The following CATSPERD variants were observed in gnomAD, a reference collection of about 807,000 sequenced individuals.
CATSPERD encodes catsper channel auxiliary subunit delta.
A neutral mutation model predicts 98.1 loss-of-function variants in CATSPERD; 86 were observed. The ratio of observed to expected loss-of-function variants is 0.88; its 90% CI spans 0.74 to 1.05. CATSPERD has a LOEUF of 1.05. CATSPERD is among the 50% of genes least tolerant of loss of function. The pLI, the probability that CATSPERD is intolerant of heterozygous loss-of-function variation, is 0.00. For missense variants in CATSPERD, 995 were observed against 1,005.7 expected (o/e 0.99, Z 0.14); for synonymous variants, 394 against 390.2 (o/e 1.01, Z -0.12).
chr19:5,741,239 T>C (rs1003516276), intron 7 of CATSPERD, among the ~76,000 whole-genome samples: 4 of 152,088 alleles, frequency 2.6e-5, no homozygotes, highest in Non-Finnish European at 5.9e-5. Context: ...TGAACCAATG[T>C]CCCCCCAAAA....
intron 4 of CATSPERD, 30 bp from the exon 5 acceptor site, chr19:5,733,826 C>G (rs1406733838): frequency 7.2e-7 from 1 of 1,390,840 alleles, no homozygotes; most frequent in Non-Finnish European, 1.0e-6. Flanking sequence ...AAGATGCTCT[C>G]ATTGATATCA....
intron 20 of CATSPERD, chr19:5,775,162 A>G (rs1356079128): frequency 1.1e-5 from 5 of 458,086 alleles, no homozygotes; most frequent in Non-Finnish European, 2.3e-5. Context: ...AACAGTTACT[A>G]CTGCTACTAC....
chr19:5,735,374 G>A (rs2055822689), intron 5 of CATSPERD, among the ~76,000 whole-genome samples: 1 of 151,172 alleles, frequency 6.6e-6, no homozygotes, highest in Admixed American at 6.6e-5. Context: ...GCGATCGCAC[G>A]ATCTCAGCTC....
At chr19:5,750,331 G>T (rs1227861699) in intron 11 of CATSPERD, among the ~76,000 whole-genome samples, 2 of 147,136 alleles carry the variant, frequency 1.4e-5, no homozygotes, top group Admixed American at 1.4e-4. Flanking sequence ...GGCACCTGTA[G>T]TCCCAGCTAC....
At chr19:5,726,853 C>T (rs1214131169) in intron 2 of CATSPERD, among the ~76,000 whole-genome samples, 1 of 152,108 alleles carries the variant, frequency 6.6e-6, no homozygotes, top group Non-Finnish European at 1.5e-5. Flanking sequence ...TACATTCCAC[C>T]TACCTAATTC....
chr19:5,763,193 C>T (rs1260087654), intron 15 of CATSPERD, 22 bp from the exon 16 acceptor site: 1 of 1,605,892 alleles, frequency 6.2e-7, no homozygotes, highest in Non-Finnish European at 8.5e-7. Flanking sequence ...TCTCTAATAA[C>T]ACAGGTTCCG....
intron 7 of CATSPERD, 74 bp from the exon 8 acceptor site, chr19:5,744,353 A>T: frequency 8.1e-7 from 1 of 1,230,902 alleles, no homozygotes; most frequent in Admixed American, 1.9e-5. Flanking sequence ...CTTATTAGAT[A>T]ATCTGAAGTT....
At chr19:5,777,725 A>G (rs2056760551) in intron 21 of CATSPERD, among the ~76,000 whole-genome samples, 1 of 151,800 alleles carries the variant, frequency 6.6e-6, no homozygotes, top group Admixed American at 6.6e-5. Context: ...TCTACTAAAA[A>G]TTAGCCAGGT....
chr19:5,751,931 G>C (rs1169428271), intron 12 of CATSPERD, 108 bp downstream of exon 12: 2 of 1,055,976 alleles, frequency 1.9e-6, no homozygotes, highest in East Asian at 2.8e-5. Context: ...AGGAGGCTGA[G>C]GCTGGAGGGT....
chr19:5,775,599 A>C (rs7250134), intron 20 of CATSPERD, among the ~76,000 whole-genome samples: 27,710 of 147,658 alleles, frequency 0.19, 2,953 homozygotes, highest in East Asian at 0.54. Flanking sequence ...CAGTAAGCCG[A>C]GATCGCGCCA....
chr19:5,754,143 G>C lies in CATSPERD; in HGVS notation c.1176G>C (p.Leu392=). ...GCCTTTTTAACTAGATAGAGTTTCT[G>C]ACAGGAGAATTTATATACAGGATGT... is the stretch of plus-strand genomic sequence containing the variant. The part of the protein sequence containing the change: ...LHVGKCKIEF[L]TGEFIYRMYT... The change falls in exon 13 of 22, where the codon CTG becomes CTC. Residue 392 remains leucine (L), a synonymous_variant. Coordinates refer to ENST00000381624, the MANE Select transcript of CATSPERD (RefSeq NM_152784.4). 1 of 1,609,238 alleles carries C rather than the reference G, an allele frequency of 6.2e-7. No individual in the cohort carries two copies. Among genetic ancestry groups the C allele is most frequent in the Non-Finnish European group, 8.5e-7 (1 of 1,175,702 alleles).
chr19:5,755,387 A>T (rs1200275562), intron 13 of CATSPERD, among the ~76,000 whole-genome samples: 2 of 152,166 alleles, frequency 1.3e-5, no homozygotes, highest in African/African-American at 4.8e-5. Context: ...CAAAATATTG[A>T]GTATACAAAA....
At position 5,733,882 on chromosome 19, in the gene CATSPERD, A is replaced by G. The variant is rs752324008; in HGVS notation, c.303A>G (p.Ala101=). The change falls in exon 5 of 22, where the codon GCA becomes GCG. Residue 101 remains alanine (A), a synonymous_variant. Transcript: ENST00000381624. ...TCGGCGTACCAGAAGTGACATCAGC[A>G]CATTTTGCTGGTTCGTTATTGCTGT... ...MQVGVPEVTS[A]HFAGSLLLLV... 5.6e-6 allele frequency: 9 copies of G among 1,612,652 alleles called. No homozygotes were observed. Among genetic ancestry groups the G allele is most frequent in the East Asian group, 2.2e-5 (1 of 44,892 alleles).
At chr19:5,725,890 A>G (rs572467413) in intron 2 of CATSPERD, among the ~76,000 whole-genome samples, 2 of 152,122 alleles carry the variant, frequency 1.3e-5, no homozygotes, top group East Asian at 3.9e-4. Flanking sequence ...GACAGAGCCA[A>G]AAAAGATGCA....
chr19:5,735,354 A>C (rs1279094092), intron 5 of CATSPERD, among the ~76,000 whole-genome samples: 1 of 152,060 alleles, frequency 6.6e-6, no homozygotes, highest in Non-Finnish European at 1.5e-5. Context: ...GTTGTTGCCC[A>C]GGCTGGAGTG....
At chr19:5,754,277 G>A (rs1327331384) in intron 13 of CATSPERD, 32 bp downstream of exon 13, 5 of 1,517,418 alleles carry the variant, frequency 3.3e-6, no homozygotes, top group Non-Finnish European at 4.6e-6. Context: ...TGCTATCTGG[G>A]ATTCTCAGCC....
chr19:5,763,024 G>A (rs2056472035), intron 15 of CATSPERD, among the ~76,000 whole-genome samples, 191 bp from the exon 16 acceptor site: 1 of 151,402 alleles, frequency 6.6e-6, no homozygotes, highest in Non-Finnish European at 1.5e-5. Context: ...ATGAGTGGAT[G>A]GGTAGAGAGA....
In CATSPERD at chr19:5,720,733, A is replaced by G. The variant is rs1370710372; in HGVS notation, c.-5A>G. On this transcript the variant is annotated 5_prime_UTR_variant, in exon 1 of 22. Coordinates refer to ENST00000381624, the MANE Select transcript of CATSPERD (RefSeq NM_152784.4). ...GGGCAGTGGTGGCGGCGGAAGCCCA[A>G]GTCGATGCTGATGTTGATGCTGGTG... 2.4e-5 allele frequency: 38 copies of G among 1,606,362 alleles called. No individual in the cohort carries two copies. Among genetic ancestry groups the G allele is most frequent in the Non-Finnish European group, 3.1e-5 (36 of 1,179,598 alleles).
chr19:5,730,327 A>G (rs4807049), intron 4 of CATSPERD, among the ~76,000 whole-genome samples: 70,984 of 150,846 alleles, frequency 0.47, 16,892 homozygotes, highest in African/African-American at 0.53. Flanking sequence ...GGCAGATCAC[A>G]AGGTCAAGAG....
Sources: gnomAD v4.1 joint callset for allele counts (sites outside exome capture counted in the v4.1 genomes callset) on GRCh38, gnomAD v4.1.1 for gene constraint, MANE v1.5 for transcripts, NCBI Gene and HGNC (gene_info 2026-07-23, HGNC 2026-07-21) for gene names.